The following MMP16 variants were observed in gnomAD, a reference collection of about 807,000 sequenced individuals.
MMP16 encodes matrix metallopeptidase 16, also known as matrix metalloproteinase-16.
MMP16 carries 12 observed loss-of-function variants against 67.8 expected under a neutral mutation model. That is an observed-to-expected ratio of 0.18 (90% CI 0.11 to 0.29). The LOEUF (loss-of-function observed/expected upper bound fraction) is 0.29, where lower values mean the gene tolerates loss of function less well. MMP16 is among the 10% of genes least tolerant of loss of function. MMP16 has a pLI of 1.00. For synonymous variants in MMP16, 249 were observed against 255.9 expected, an observed-to-expected ratio of 0.97 and a Z score of 0.26; for missense variants, 475 against 765.7, an observed-to-expected ratio of 0.62 and a Z score of 4.48.
intron 1 of MMP16, among the ~76,000 whole-genome samples, chr8:88,227,827 T>C (rs1353475639): frequency 1.3e-5 from 2 of 152,070 alleles, no homozygotes; most frequent in African/African-American, 2.4e-5. Flanking sequence ...ACAATTACTC[T>C]GTTTCATTTA....
intron 7 of MMP16, among the ~76,000 whole-genome samples, chr8:88,065,441 A>T (rs1253571382): frequency 6.6e-6 from 1 of 152,120 alleles, no homozygotes; most frequent in Non-Finnish European, 1.5e-5. Context: ...CAAATATTAA[A>T]CATTTGGACC....
At chr8:88,307,263 A>C (rs1245160260) in intron 1 of MMP16, among the ~76,000 whole-genome samples, 2 of 152,138 alleles carry the variant, frequency 1.3e-5, no homozygotes, top group Non-Finnish European at 2.9e-5. Context: ...ATGTTGCTTA[A>C]GGTAGTTCAA....
At chr8:88,157,930 T>C (rs958583626) in intron 4 of MMP16, among the ~76,000 whole-genome samples, 1 of 152,040 alleles carries the variant, frequency 6.6e-6, no homozygotes, top group Non-Finnish European at 1.5e-5. Flanking sequence ...TGTTTGGTTT[T>C]TTGTCCTTGC....
At chr8:88,263,881 T>G (rs1035122438) in intron 1 of MMP16, among the ~76,000 whole-genome samples, 1 of 151,908 alleles carries the variant, frequency 6.6e-6, no homozygotes, top group Non-Finnish European at 1.5e-5. Context: ...GACTGGTGCT[T>G]AAAAATCCTC....
chr8:88,062,357 C>T (rs1349468021), intron 7 of MMP16, among the ~76,000 whole-genome samples: 4 of 152,192 alleles, frequency 2.6e-5, no homozygotes, highest in African/African-American at 4.8e-5. Context: ...CATATGCACA[C>T]GTATGTTTAT....
At chr8:88,142,436 C>T (rs1808227379) in intron 4 of MMP16, among the ~76,000 whole-genome samples, 1 of 151,908 alleles carries the variant, frequency 6.6e-6, no homozygotes, top group African/African-American at 2.4e-5. Flanking sequence ...TACATCTCTG[C>T]TTTATCTAGT....
intron 1 of MMP16, among the ~76,000 whole-genome samples, chr8:88,262,557 T>C (rs1810403539): frequency 6.6e-6 from 1 of 152,234 alleles, no homozygotes; most frequent in Admixed American, 6.5e-5. Context: ...TGTTCAGCTT[T>C]GCTGGCTTTT....
intron 4 of MMP16, among the ~76,000 whole-genome samples, chr8:88,148,224 T>C (rs1808327451): frequency 6.6e-6 from 1 of 152,204 alleles, no homozygotes; most frequent in East Asian, 1.9e-4. Context: ...TGATTCCATT[T>C]TTTCCTTTTT....
At chr8:88,059,883 G>A (rs1011789994) in intron 7 of MMP16, among the ~76,000 whole-genome samples, 1 of 151,124 alleles carries the variant, frequency 6.6e-6, no homozygotes, top group African/African-American at 2.4e-5. Context: ...TATATAATAC[G>A]AAGCCTGAGA....
At chr8:88,159,367 G>A (rs973768650) in intron 4 of MMP16, among the ~76,000 whole-genome samples, 1 of 152,144 alleles carries the variant, frequency 6.6e-6, no homozygotes, top group Non-Finnish European at 1.5e-5. Context: ...AGTTCTTGAA[G>A]AGGTCCTTCA....
chr8:88,128,626 T>A (rs1807974774), intron 4 of MMP16, among the ~76,000 whole-genome samples: 1 of 151,810 alleles, frequency 6.6e-6, no homozygotes, highest in South Asian at 2.1e-4. Context: ...TGGAATGTAA[T>A]CATCAAGCAA....
At chr8:88,299,142 T>C (rs1402451651) in intron 1 of MMP16, among the ~76,000 whole-genome samples, 2 of 152,184 alleles carry the variant, frequency 1.3e-5, no homozygotes, top group African/African-American at 2.4e-5. Context: ...CAGTCCTTTT[T>C]ACCTACACTC....
chr8:88,091,049 C>T (rs544283610), intron 6 of MMP16, among the ~76,000 whole-genome samples: 2 of 151,758 alleles, frequency 1.3e-5, no homozygotes, highest in South Asian at 4.1e-4. Context: ...GCTTAGTGAA[C>T]GTTATCTTCA....
chr8:88,186,401 G>A lies in MMP16; in HGVS notation c.404+75C>T. 4 of 1,563,992 alleles carry A rather than the reference G, an allele frequency of 2.6e-6. No homozygotes were observed. In the South Asian group the frequency reaches 4.5e-5, roughly 18 times the overall value. ...ATTAACATGTAGTCAACGTGCAGAA[G>A]ATACTAAACTATGTGTCAAAACAAA... On this transcript the variant is annotated intron_variant, in intron 3 of 9. Transcript: ENST00000286614.
At chr8:88,325,742 GT>G (rs28907883) in intron 1 of MMP16, among the ~76,000 whole-genome samples, 9 of 151,714 alleles carry the variant, frequency 5.9e-5, no homozygotes, top group Non-Finnish European at 1.2e-4. Context: ...TTCAAATTGG[GT>G]TTTTTTTGTG....
chr8:88,127,873 C>G (rs1444505692), intron 4 of MMP16, among the ~76,000 whole-genome samples: 1 of 151,826 alleles, frequency 6.6e-6, no homozygotes, highest in Non-Finnish European at 1.5e-5. Flanking sequence ...CTATATCTTT[C>G]AAGCACTTTG....
chr8:88,158,465 T>A (rs1808553480), intron 4 of MMP16, among the ~76,000 whole-genome samples: 1 of 152,250 alleles, frequency 6.6e-6, no homozygotes, highest in Admixed American at 6.5e-5. Flanking sequence ...CATAAATGTC[T>A]TCTTTTGAGA....
At position 88,033,857 on chromosome 8, in the gene MMP16, TAC is replaced by T. The variant is rs1808017468; in HGVS notation, c.*7602_*7603del. 6.6e-6 allele frequency: 1 copy of T among 152,056 alleles called. No homozygotes were observed. The highest frequency in any genetic ancestry group is 1.5e-5 in the Non-Finnish European group (1 of 67,968). 9.4% of individuals were successfully genotyped at this position (152,056 alleles called of 1,614,324 possible). ...TTCTAATATATATGTAATTTACACT[TAC>T]AGAGAAATAGACCAAAGGATGAAGG... On this transcript the variant is annotated 3_prime_UTR_variant, in exon 10 of 10. Coordinates refer to ENST00000286614, the MANE Select transcript of MMP16 (RefSeq NM_005941.5).
At chr8:88,203,777 T>A (rs1809381554) in intron 1 of MMP16, among the ~76,000 whole-genome samples, 1 of 152,242 alleles carries the variant, frequency 6.6e-6, no homozygotes, top group Admixed American at 6.5e-5. Flanking sequence ...AAGGTACTTA[T>A]AAGTTGTCAA....
Sources: gnomAD v4.1 joint callset for allele counts (sites outside exome capture counted in the v4.1 genomes callset) on GRCh38, gnomAD v4.1.1 for gene constraint, MANE v1.5 for transcripts, NCBI Gene and HGNC (gene_info 2026-07-23, HGNC 2026-07-21) for gene names.